Variants in ELAPOR2 observed in about 807,000 individuals in gnomAD.
ELAPOR2 encodes endosome-lysosome associated apoptosis and autophagy regulator family member 2.
A neutral mutation model predicts 120.7 loss-of-function variants in ELAPOR2; 89 were observed. That is an observed-to-expected ratio of 0.74 (90% confidence interval 0.62 to 0.88). The LOEUF (loss-of-function observed/expected upper bound fraction) is 0.88. Ranked by LOEUF, ELAPOR2 falls within the 40% of genes least tolerant of loss-of-function variation. The pLI, the probability that ELAPOR2 is intolerant of heterozygous loss-of-function variation, is 0.00. For synonymous variants in ELAPOR2, 444 were observed against 444.9 expected (o/e 1.00, Z 0.03); for missense variants, 1,134 against 1,251.6 (o/e 0.91, Z 1.42).
At chr7:86,910,042 T>C (rs1789226279) in intron 15 of ELAPOR2, 41 bp from the exon 16 acceptor site, 1 of 1,488,434 alleles carries the variant, frequency 6.7e-7, no homozygotes, top group Admixed American at 1.8e-5. Context: ...TTATTGGATG[T>C]CAATCTCTAA....
chr7:87,042,537 AAATAAAGATGTTCT>A (rs1365950100), intron 1 of ELAPOR2, among the ~76,000 whole-genome samples: 10 of 151,962 alleles, frequency 6.6e-5, no homozygotes, highest in Admixed American at 6.5e-4. Context: ...ATGAAGGCAG[AAATAAAGATGTTCT>A]TTGAAACCAA....
intron 1 of ELAPOR2, among the ~76,000 whole-genome samples, chr7:87,022,780 G>C (rs1794100185): frequency 6.6e-6 from 1 of 150,920 alleles, no homozygotes; most frequent in African/African-American, 2.5e-5. Context: ...TCTAACTGGT[G>C]TGAGATGGTA....
At chr7:86,919,346 T>C (rs1417477266) in intron 10 of ELAPOR2, 36 bp from the exon 11 acceptor site, 11 of 1,286,378 alleles carry the variant, frequency 8.6e-6, no homozygotes, top group Non-Finnish European at 1.2e-5. Flanking sequence ...TTAATAAAAA[T>C]TCCATTAATG....
chr7:86,965,977 C>T, intron 1 of ELAPOR2: 1 of 985,040 alleles, frequency 1.0e-6, no homozygotes, highest in Non-Finnish European at 1.2e-6. Flanking sequence ...GCATAGCACA[C>T]TTTGCTAACA....
chr7:87,039,034 A>G (rs1264121706), intron 1 of ELAPOR2, among the ~76,000 whole-genome samples: 7 of 152,130 alleles, frequency 4.6e-5, no homozygotes, highest in African/African-American at 1.7e-4. Context: ...CTAGACTAAG[A>G]AAAAAAGAAG....
chr7:86,970,273 A>C (rs774409231), intron 1 of ELAPOR2, among the ~76,000 whole-genome samples: 2 of 152,196 alleles, frequency 1.3e-5, no homozygotes, highest in Non-Finnish European at 2.9e-5. Context: ...TCTATCTTCA[A>C]AGCAGAGAAA....
chr7:86,985,489 AC>A lies in ELAPOR2; in HGVS notation c.190-20466del, dbSNP rs1014301593. ...CAGCAGCACATCAAAAAGCTTATCC[AC>A]CACAATCAAGTTGGCTTCAGCCCTG... On this transcript the variant is annotated intron_variant, in intron 1 of 21. Coordinates refer to ENST00000450689, the MANE Select transcript of ELAPOR2 (RefSeq NM_001142749.3). Among the ~76,000 whole-genome samples the A allele has an allele frequency of 9.8e-5, 15 of 152,338 alleles. 1 individual carries two copies. The highest frequency in any genetic ancestry group is 1.9e-4 in the Non-Finnish European group (13 of 68,032).
chr7:87,005,555 T>A (rs1309004903), intron 1 of ELAPOR2, among the ~76,000 whole-genome samples: 1 of 152,178 alleles, frequency 6.6e-6, no homozygotes, highest in Non-Finnish European at 1.5e-5. Flanking sequence ...GCTTGAAATA[T>A]AGAGTAACAG....
chr7:87,051,150 G>GT (rs1795088272), intron 1 of ELAPOR2, among the ~76,000 whole-genome samples: 1 of 152,174 alleles, frequency 6.6e-6, no homozygotes, highest in Non-Finnish European at 1.5e-5. Context: ...CACTAGGAGT[G>GT]TAAGGATGAC....
chr7:86,881,577 C>G (rs953695449), intron 21 of ELAPOR2, among the ~76,000 whole-genome samples: 1 of 151,980 alleles, frequency 6.6e-6, no homozygotes, highest in Non-Finnish European at 1.5e-5. Context: ...AGGCTGGTCT[C>G]GAACTCCTGT....
chr7:86,897,998 C>T (rs1232557128), intron 18 of ELAPOR2, among the ~76,000 whole-genome samples: 2 of 151,988 alleles, frequency 1.3e-5, no homozygotes, highest in South Asian at 2.1e-4. Flanking sequence ...TAGGTATAAA[C>T]CCAAGAGAAA....
chr7:86,987,833 G>A (rs533712456), intron 1 of ELAPOR2, among the ~76,000 whole-genome samples: 2 of 152,050 alleles, frequency 1.3e-5, no homozygotes, highest in Admixed American at 6.6e-5. Flanking sequence ...TTGACCCAGC[G>A]ATCCTATTAC....
intron 1 of ELAPOR2, among the ~76,000 whole-genome samples, chr7:87,036,147 T>C (rs1386214373): frequency 1.3e-5 from 2 of 152,168 alleles, no homozygotes; most frequent in African/African-American, 4.8e-5. Context: ...TCATATACTA[T>C]GCATTTTGTC....
At position 87,024,172 on chromosome 7, in the gene ELAPOR2, C is replaced by T. The variant is rs573140659; in HGVS notation, c.189+35153G>A. 2.0e-5 allele frequency among the ~76,000 whole-genome samples: 3 copies of T among 152,256 alleles called. No homozygotes were observed. The East Asian group carries it at 5.8e-4, about 29-fold the overall frequency. ...TCAAAGGGAATGCTTCCAGTTTTTG[C>T]CCATTCAGTATGATATTGGCTGTGA... On this transcript the variant is annotated intron_variant, in intron 1 of 21. Transcript: ENST00000450689.
At chr7:87,011,387 A>G (rs1793674509) in intron 1 of ELAPOR2, among the ~76,000 whole-genome samples, 1 of 152,202 alleles carries the variant, frequency 6.6e-6, no homozygotes, top group Non-Finnish European at 1.5e-5. Flanking sequence ...CCATGTCTGT[A>G]TACCTGAAAA....
intron 18 of ELAPOR2, among the ~76,000 whole-genome samples, chr7:86,906,307 TC>T (rs1311189788): frequency 6.6e-6 from 1 of 152,090 alleles, no homozygotes; most frequent in Non-Finnish European, 1.5e-5. Flanking sequence ...GGCAGAGGGA[TC>T]CTCTACCACA....
intron 1 of ELAPOR2, among the ~76,000 whole-genome samples, chr7:87,018,261 GAA>G (rs747935044): frequency 3.3e-5 from 5 of 151,790 alleles, no homozygotes; most frequent in Non-Finnish European, 5.9e-5. Flanking sequence ...GGCTGTTCTC[GAA>G]CTCCTGACCT....
intron 1 of ELAPOR2, among the ~76,000 whole-genome samples, chr7:87,001,738 G>C (rs1562963441): frequency 6.6e-6 from 1 of 152,204 alleles, no homozygotes; most frequent in East Asian, 1.9e-4. Flanking sequence ...CTCAATTCAA[G>C]TTCACCCAGA....
At chr7:86,890,678 T>C (rs1346886246) in intron 21 of ELAPOR2, among the ~76,000 whole-genome samples, 1 of 152,062 alleles carries the variant, frequency 6.6e-6, no homozygotes, top group African/African-American at 2.4e-5. Flanking sequence ...ACTTGTTAGC[T>C]TGCAAGTAGG....
Sources: gnomAD v4.1 joint callset for allele counts (sites outside exome capture counted in the v4.1 genomes callset) on GRCh38, gnomAD v4.1.1 for gene constraint, MANE v1.5 for transcripts, NCBI Gene and HGNC (gene_info 2026-07-23, HGNC 2026-07-21) for gene names.